Variants in LRRC4C observed in about 807,000 individuals in gnomAD.
LRRC4C encodes leucine rich repeat containing 4C.
A neutral mutation model predicts 33.6 loss-of-function variants in LRRC4C; 5 were observed. The ratio of observed to expected loss-of-function variants is 0.15; its 90% CI spans 0.08 to 0.31. The LOEUF is 0.31. Among genes scored for constraint, LRRC4C ranks in the 10% least tolerant of loss-of-function variants. The pLI is 1.00. For synonymous variants in LRRC4C, 329 were observed against 302.0 expected, an observed-to-expected ratio of 1.09 and a Z score of -0.93; for missense variants, 560 against 796.7, an observed-to-expected ratio of 0.70 and a Z score of 3.58.
intron 1 of LRRC4C, among the ~76,000 whole-genome samples, chr11:41,005,486 C>T (rs537216063): frequency 2.6e-5 from 4 of 152,286 alleles, no homozygotes; most frequent in Admixed American, 2.6e-4. Flanking sequence ...TGCCTGTAAT[C>T]CCAGCTGCTC....
intron 5 of LRRC4C, among the ~76,000 whole-genome samples, chr11:40,168,975 T>G (rs1422815097): frequency 6.6e-6 from 1 of 152,196 alleles, no homozygotes; most frequent in Non-Finnish European, 1.5e-5. Flanking sequence ...TCCCAGTCTT[T>G]ACTTTAGTTT....
chr11:41,003,589 A>G (rs772277821), intron 1 of LRRC4C, among the ~76,000 whole-genome samples: 41 of 152,130 alleles, frequency 2.7e-4, no homozygotes, highest in Non-Finnish European at 4.1e-4. Flanking sequence ...CCCATATCCA[A>G]TTCCTCTGAT....
chr11:40,964,216 T>C (rs1021457444), intron 1 of LRRC4C, among the ~76,000 whole-genome samples: 2 of 151,700 alleles, frequency 1.3e-5, no homozygotes, highest in African/African-American at 2.4e-5. Context: ...AGACACCTTA[T>C]GTGTTAGATA....
At chr11:40,415,263 T>A (rs1950285005) in intron 3 of LRRC4C, among the ~76,000 whole-genome samples, 2 of 152,208 alleles carry the variant, frequency 1.3e-5, no homozygotes, top group South Asian at 4.1e-4. Context: ...ATTTGTGTAG[T>A]CACATACAAG....
intron 1 of LRRC4C, among the ~76,000 whole-genome samples, chr11:41,350,077 A>G (rs939051023): frequency 6.6e-6 from 1 of 152,140 alleles, no homozygotes; most frequent in Non-Finnish European, 1.5e-5. Flanking sequence ...TCCACCGTAC[A>G]CTTGTGAAAG....
At chr11:40,810,273 T>G (rs1269927302) in intron 2 of LRRC4C, among the ~76,000 whole-genome samples, 1 of 152,174 alleles carries the variant, frequency 6.6e-6, no homozygotes, top group African/African-American at 2.4e-5. Flanking sequence ...TACAGTCTTT[T>G]CTTGACTTCT....
At chr11:40,208,297 G>C (rs1863311274) in intron 5 of LRRC4C, among the ~76,000 whole-genome samples, 1 of 152,126 alleles carries the variant, frequency 6.6e-6, no homozygotes, top group African/African-American at 2.4e-5. Context: ...AAGACAAAGT[G>C]ATTTTTCCAC....
At chr11:40,614,435 G>A (rs1961550295) in intron 3 of LRRC4C, among the ~76,000 whole-genome samples, 1 of 57,324 alleles carries the variant, frequency 1.7e-5, no homozygotes, top group Non-Finnish European at 5.3e-5. Flanking sequence ...AAGAGAGTGG[G>A]TGTTGAATGT....
intron 3 of LRRC4C, among the ~76,000 whole-genome samples, chr11:40,507,222 A>ATTTTTATAT (rs1955076327): frequency 1.3e-5 from 2 of 152,156 alleles, no homozygotes; most frequent in South Asian, 4.1e-4. Flanking sequence ...AAAGACTGAG[A>ATTTTTATAT]AATATATATA....
intron 1 of LRRC4C, among the ~76,000 whole-genome samples, chr11:41,340,195 T>C (rs1409278533): frequency 2.0e-5 from 3 of 152,162 alleles, no homozygotes; most frequent in African/African-American, 7.2e-5. Flanking sequence ...CCCAACCCTA[T>C]AAAAATAATT....
At chr11:40,327,730 AT>A (rs1255803409) in intron 3 of LRRC4C, among the ~76,000 whole-genome samples, 7 of 151,956 alleles carry the variant, frequency 4.6e-5, no homozygotes, top group Non-Finnish European at 1.0e-4. Context: ...CATTTTCAAA[AT>A]TTTTAGTCTA....
chr11:40,903,768 T>C (rs2136209378), intron 2 of LRRC4C, among the ~76,000 whole-genome samples: 1 of 152,272 alleles, frequency 6.6e-6, no homozygotes, highest in Non-Finnish European at 1.5e-5. Flanking sequence ...CTGGAATCAA[T>C]GATAATTTAG....
intron 2 of LRRC4C, among the ~76,000 whole-genome samples, chr11:40,905,501 C>T (rs2136221537): frequency 6.6e-6 from 1 of 152,240 alleles, no homozygotes; most frequent in Non-Finnish European, 1.5e-5. Flanking sequence ...AAAACCCTTC[C>T]TACCCCAGGG....
chr11:40,938,044 C>G (rs1245834622), intron 1 of LRRC4C, among the ~76,000 whole-genome samples: 1 of 152,064 alleles, frequency 6.6e-6, no homozygotes, highest in African/African-American at 2.4e-5. Flanking sequence ...TATCAAGAGC[C>G]AATAAAATAG....
intron 2 of LRRC4C, among the ~76,000 whole-genome samples, chr11:40,672,203 G>T (rs1226945523): frequency 4.6e-5 from 7 of 152,152 alleles, no homozygotes. Flanking sequence ...TTCTAGGTGT[G>T]TTTCATAGAT....
chr11:40,411,911 C>T (rs916744067), intron 3 of LRRC4C, among the ~76,000 whole-genome samples: 1 of 151,848 alleles, frequency 6.6e-6, no homozygotes. Context: ...TCTCAATAAC[C>T]CTATGAGATT....
chr11:41,439,061 T>G (rs1955530506), intron 1 of LRRC4C, among the ~76,000 whole-genome samples: 1 of 152,160 alleles, frequency 6.6e-6, no homozygotes, highest in Non-Finnish European at 1.5e-5. Flanking sequence ...CCTCTGACTG[T>G]CCTCCCTTTT....
intron 2 of LRRC4C, among the ~76,000 whole-genome samples, chr11:40,655,439 C>T (rs1187600214): frequency 6.6e-6 from 1 of 151,982 alleles, no homozygotes; most frequent in East Asian, 1.9e-4. Context: ...AAAAATATGG[C>T]AAACATGCTA....
chr11:40,337,171 AAAGTGCTTGG>A (rs1946666470), intron 3 of LRRC4C, among the ~76,000 whole-genome samples: 1 of 152,098 alleles, frequency 6.6e-6, no homozygotes, highest in African/African-American at 2.4e-5. Flanking sequence ...CTGACGTAGC[AAAGTGCTTGG>A]AATTTTCACA....
Sources: gnomAD v4.1 joint callset for allele counts (sites outside exome capture counted in the v4.1 genomes callset) on GRCh38, gnomAD v4.1.1 for gene constraint, MANE v1.5 for transcripts, NCBI Gene and HGNC (gene_info 2026-07-23, HGNC 2026-07-21) for gene names.